Variants in TESK2 observed in about 807,000 individuals in gnomAD.
The protein encoded by TESK2 is testis associated actin remodelling kinase 2, also known as dual specificity testis-specific protein kinase 2.
In TESK2, 39 loss-of-function variants were observed where a neutral mutation model predicts 57.1. The observed-to-expected ratio is 0.68, with a 90% CI of 0.53 to 0.89. The LOEUF (loss-of-function observed/expected upper bound fraction) is 0.89, where lower values mean the gene tolerates loss of function less well. Ranked by LOEUF, TESK2 falls within the 40% of genes least tolerant of loss-of-function variation. TESK2 has a pLI of 0.00. For synonymous variants in TESK2, 249 were observed against 267.9 expected, an observed-to-expected ratio of 0.93 and a Z score of 0.69; for missense variants, 646 against 732.1, an observed-to-expected ratio of 0.88 and a Z score of 1.36.
At chr1:45,487,882 C>T (rs1653546894) in intron 1 of TESK2, among the ~76,000 whole-genome samples, 1 of 151,878 alleles carries the variant, frequency 6.6e-6, no homozygotes, top group Non-Finnish European at 1.5e-5. Context: ...TTATTTCTAA[C>T]TAGTAGGACC....
At chr1:45,363,737 T>C (rs1330503305) in intron 4 of TESK2, among the ~76,000 whole-genome samples, 1 of 151,904 alleles carries the variant, frequency 6.6e-6, no homozygotes, top group Non-Finnish European at 1.5e-5. Flanking sequence ...TTTTTTTTTC[T>C]GTATAAGTAG....
intron 5 of TESK2, among the ~76,000 whole-genome samples, chr1:45,349,039 G>A (rs1239561075): frequency 2.0e-5 from 3 of 151,962 alleles, no homozygotes; most frequent in Non-Finnish European, 2.9e-5. Context: ...CACCCCACCC[G>A]CTTCCTTCAG....
At position 45,417,076 on chromosome 1, in the gene TESK2, G is replaced by A. The variant is rs28823096; in HGVS notation, c.344+4649C>T. Among the ~76,000 whole-genome samples, 699 of 152,216 alleles carry A rather than the reference G, an allele frequency of 4.6e-3. 3 individuals are homozygous for A. Among genetic ancestry groups the A allele is most frequent in the African/African-American group, 0.016 (674 of 41,542 alleles). On this transcript the variant is annotated intron_variant, in intron 3 of 10. Transcript: ENST00000372086. The stretch of plus-strand genomic sequence containing the variant: ...GCTGGGATTACAGGCATGAGCCACT[G>A]CACCCAGCCTCTTCTCTCTACTTCT...
chr1:45,379,137 C>CA lies in TESK2; in HGVS notation c.393+6774dup, dbSNP rs1648549740. Among the ~76,000 whole-genome samples, 2 of 152,016 alleles carry CA rather than the reference C, an allele frequency of 1.3e-5. 1 individual carries two copies. Among genetic ancestry groups the CA allele is most frequent in the South Asian group, 4.1e-4 (2 of 4,824 alleles). On this transcript the variant is annotated intron_variant, in intron 4 of 10. Coordinates refer to ENST00000372086, the MANE Select transcript of TESK2 (RefSeq NM_007170.3). ...AACAATATCACATATCACAGCACAC[C>CA]AAAAAAACTGGAATCAGGGTCTGCC...
chr1:45,385,903 A>C lies in TESK2; in HGVS notation c.393+9T>G. ...AAATACGTTACTTCAACACTTACTG[A>C]TGTCTTACCTCTGTAAGTGCATGCA... On this transcript the variant is annotated intron_variant, in intron 4 of 10. Coordinates refer to ENST00000372086, the MANE Select transcript of TESK2 (RefSeq NM_007170.3). 8.1e-6 allele frequency: 13 copies of C among 1,596,616 alleles called. No homozygotes were observed. Among genetic ancestry groups the C allele is most frequent in the Non-Finnish European group, 1.1e-5 (13 of 1,168,642 alleles).
intron 2 of TESK2, among the ~76,000 whole-genome samples, chr1:45,435,913 G>A (rs1156484659): frequency 2.0e-5 from 3 of 151,678 alleles, no homozygotes; most frequent in African/African-American, 4.8e-5. Context: ...TGTCCCCAGT[G>A]TACGTTCTTG....
chr1:45,407,059 A>G (rs1218472763), intron 3 of TESK2, among the ~76,000 whole-genome samples: 1 of 152,152 alleles, frequency 6.6e-6, no homozygotes, highest in Non-Finnish European at 1.5e-5. Context: ...AGGGGAAAAA[A>G]ATCAAGACTC....
chr1:45,484,047 G>T (rs1413297739), intron 1 of TESK2, among the ~76,000 whole-genome samples: 66 of 149,308 alleles, frequency 4.4e-4, no homozygotes, highest in African/African-American at 1.6e-3. Flanking sequence ...ACAGGGGTTG[G>T]CTTCCCAACC....
At chr1:45,472,562 A>AG (rs1343421192) in intron 1 of TESK2, among the ~76,000 whole-genome samples, 1 of 151,354 alleles carries the variant, frequency 6.6e-6, no homozygotes, top group Non-Finnish European at 1.5e-5. Flanking sequence ...CCATCTCAAA[A>AG]AAAAAAAAAA....
At chr1:45,419,862 A>C (rs1246141361) in intron 3 of TESK2, among the ~76,000 whole-genome samples, 1 of 152,206 alleles carries the variant, frequency 6.6e-6, no homozygotes, top group Non-Finnish European at 1.5e-5. Flanking sequence ...CACAATAAAA[A>C]TACTGGCTGA....
At chr1:45,384,377 A>ATCTGTCTGTCTG (rs1484512971) in intron 4 of TESK2, among the ~76,000 whole-genome samples, 112 of 139,006 alleles carry the variant, frequency 8.1e-4, no homozygotes, top group African/African-American at 2.7e-3. Flanking sequence ...CTATCTATCT[A>ATCTGTCTGTCTG]TCTATCTATC....
Position 45,344,692 on chromosome 1 carries a change from T to G in TESK2, c.*148A>C, listed in dbSNP as rs911371022. The G allele has an allele frequency of 1.4e-6, 1 of 705,084 alleles. No homozygotes were observed. Among genetic ancestry groups the G allele is most frequent in the Non-Finnish European group, 2.4e-6 (1 of 422,390 alleles). The allele number at this position is 705,084 out of a possible 1,614,324, so 43.7% of individuals were successfully genotyped here. A position where few individuals can be genotyped will look rare whatever the true frequency, so the allele number is the denominator to read the frequency against. ...GCTGCCTCCCGTCATACACAGCCAA[T>G]GGGCACTGGGAGCCCAGAAGTTGAG... On this transcript the variant is annotated 3_prime_UTR_variant, in exon 11 of 11. Coordinates refer to ENST00000372086, the MANE Select transcript of TESK2 (RefSeq NM_007170.3).
intron 2 of TESK2, among the ~76,000 whole-genome samples, chr1:45,444,045 G>A (rs896284243): frequency 6.6e-6 from 1 of 152,072 alleles, no homozygotes. Flanking sequence ...CGGGTGTGGT[G>A]GCACATGCCT....
intron 4 of TESK2, among the ~76,000 whole-genome samples, chr1:45,356,738 G>C (rs982352580): frequency 6.6e-6 from 1 of 151,928 alleles, no homozygotes. Context: ...TGAAGCTTAA[G>C]AACAAAGTCT....
chr1:45,386,439 A>C (rs1371708366), intron 3 of TESK2, among the ~76,000 whole-genome samples: 1 of 149,802 alleles, frequency 6.7e-6, no homozygotes, highest in Non-Finnish European at 1.5e-5. Flanking sequence ...GGCAAAGAGA[A>C]AGGGAAAGGG....
At chr1:45,415,329 C>T (rs1406799803) in intron 3 of TESK2, 19 of 1,091,512 alleles carry the variant, frequency 1.7e-5, no homozygotes, top group Non-Finnish European at 2.5e-5. Flanking sequence ...CCATTGCTGA[C>T]TGTGGACAAC....
intron 1 of TESK2, among the ~76,000 whole-genome samples, chr1:45,483,711 T>C (rs756996461): frequency 3.3e-5 from 5 of 152,014 alleles, no homozygotes; most frequent in Non-Finnish European, 5.9e-5. Context: ...AAAATTATAT[T>C]TGGGGCCAAG....
intron 4 of TESK2, among the ~76,000 whole-genome samples, chr1:45,368,355 G>A (rs1648032309): frequency 6.7e-6 from 1 of 148,362 alleles, no homozygotes; most frequent in African/African-American, 2.6e-5. Context: ...TTTTGTGTGT[G>A]TTTTTTGTTT....
intron 9 of TESK2, among the ~76,000 whole-genome samples, 199 bp downstream of exon 9, chr1:45,346,494 A>G (rs192251925): frequency 2.9e-4 from 44 of 152,240 alleles, no homozygotes; most frequent in East Asian, 1.9e-3. Context: ...AGATAATACA[A>G]AACAACTTCT....
Sources: gnomAD v4.1 joint callset for allele counts (sites outside exome capture counted in the v4.1 genomes callset) on GRCh38, gnomAD v4.1.1 for gene constraint, MANE v1.5 for transcripts, NCBI Gene and HGNC (gene_info 2026-07-23, HGNC 2026-07-21) for gene names.